SLC13A4: variants seen among roughly 807,000 people sequenced by gnomAD.
SLC13A4 encodes the protein Na(+)/sulfate cotransporter SUT-1.
SLC13A4 carries 28 observed loss-of-function variants against 72.7 expected under a neutral mutation model. That is an observed-to-expected ratio of 0.39 (90% CI 0.29 to 0.53). The LOEUF is 0.53. Ranked by LOEUF, SLC13A4 falls within the 20% of genes least tolerant of loss-of-function variation. The pLI is 0.78. For missense variants in SLC13A4, 653 were observed against 788.0 expected (o/e 0.83, Z 2.05); for synonymous variants, 312 against 325.5 (o/e 0.96, Z 0.45).
In SLC13A4 at chr7:135,727,650, TA is replaced by T. The variant is rs1796697809; in HGVS notation, c.-155del. ...CTTGGGGGCAGAACGGGAGGGCAGT[TA>T]TACCCTCGCTGTTTCTACAAGAGGC... On this transcript the variant is annotated 5_prime_UTR_variant, in exon 1 of 16. Coordinates refer to ENST00000682651, the MANE Select transcript of SLC13A4 (RefSeq NM_001318192.2). 1 of 878,924 alleles carries T rather than the reference TA, an allele frequency of 1.1e-6. No homozygotes were observed. The highest frequency in any genetic ancestry group is 1.7e-5 in the African/African-American group (1 of 58,718). 54.4% of individuals were successfully genotyped at this position (878,924 alleles called of 1,614,324 possible). A position where few individuals can be genotyped will look rare whatever the true frequency, so the allele number is the denominator to read the frequency against.
At chr7:135,694,273 A>G (rs1795854363) in intron 9 of SLC13A4, 35 bp from the exon 10 acceptor site, 1 of 1,322,482 alleles carries the variant, frequency 7.6e-7, no homozygotes, top group Non-Finnish European at 1.1e-6. Context: ...ATTAAAGAAA[A>G]CACACTTCTG....
intron 1 of SLC13A4, 57 bp downstream of exon 1, chr7:135,727,341 C>T: frequency 3.9e-6 from 6 of 1,533,134 alleles, no homozygotes; most frequent in East Asian, 2.5e-5. Flanking sequence ...TACCGACCTC[C>T]CCTCTTTGCC....
Position 135,706,214 on chromosome 7 carries a change from A to T in SLC13A4, c.452T>A (p.Val151Glu). The change falls in exon 4 of 16, where the codon GTG becomes GAG. Residue 151 changes from valine (V) to glutamate (E), a missense_variant. By Grantham distance (121) the Val-to-Glu change is moderately radical (BLOSUM62 -2). Coordinates refer to ENST00000682651, the MANE Select transcript of SLC13A4 (RefSeq NM_001318192.2). ...GACCAGCTCCTGCAGCACGGCCTCC[A>T]CGATGGGCATCACCATGGCGGTGGT... ...TSTTAMVMPI[V>E]EAVLQELVSA... 1.2e-6 allele frequency: 2 copies of T among 1,614,062 alleles called. No individual in the cohort carries two copies. Among genetic ancestry groups the T allele is most frequent in the Non-Finnish European group, 1.7e-6 (2 of 1,179,880 alleles).
intron 1 of SLC13A4, among the ~76,000 whole-genome samples, chr7:135,726,845 T>A (rs945498180): frequency 2.0e-5 from 3 of 152,172 alleles, no homozygotes; most frequent in Non-Finnish European, 2.9e-5. Context: ...CCCTAAACAT[T>A]CATTCCCTGA....
intron 8 of SLC13A4, among the ~76,000 whole-genome samples, chr7:135,699,071 G>C (rs909175567): frequency 1.3e-5 from 2 of 152,000 alleles, no homozygotes; most frequent in Admixed American, 1.3e-4. Context: ...TGAGTAGCTG[G>C]GACTGTATAC....
intron 8 of SLC13A4, among the ~76,000 whole-genome samples, chr7:135,698,536 T>C (rs565129051): frequency 4.4e-4 from 66 of 150,418 alleles, no homozygotes; most frequent in South Asian, 1.7e-3. Flanking sequence ...GGTTTCACCA[T>C]GTTGGCCAGG....
chr7:135,691,561 C>A lies in SLC13A4; in HGVS notation c.1308G>T (p.Gly436=). The change falls in exon 12 of 16, where the codon GGG becomes GGT. Residue 436 remains glycine, a synonymous_variant. Transcript: ENST00000682651. ...FLIPAKKPCF[G]KKNDGENQEH... is the part of the protein sequence containing the mutation. ...CCCTTCTCTCACCATCATTCTTTTTCCCAAAGCAGGGCTTCTTCGCTGGAA... is the reference window on the plus strand; with the variant it reads ...CCCTTCTCTCACCATCATTCTTTTTACCAAAGCAGGGCTTCTTCGCTGGAA... 6.2e-7 allele frequency: 1 copy of A among 1,613,020 alleles called. No homozygotes were observed. Among genetic ancestry groups the A allele is most frequent in the South Asian group, 1.1e-5 (1 of 91,058 alleles).
At chr7:135,708,504 G>T (rs1475817887) in intron 2 of SLC13A4, among the ~76,000 whole-genome samples, 1 of 152,130 alleles carries the variant, frequency 6.6e-6, no homozygotes, top group Non-Finnish European at 1.5e-5. Flanking sequence ...AACTCTATAG[G>T]ATAGATGTTC....
intron 2 of SLC13A4, among the ~76,000 whole-genome samples, chr7:135,715,415 G>A (rs1796408974): frequency 9.2e-6 from 1 of 108,840 alleles, no homozygotes; most frequent in Non-Finnish European, 1.9e-5. Flanking sequence ...ATGAGTGTGT[G>A]TATGAGTGTG....
At chr7:135,681,784 T>G in intron 15 of SLC13A4, 84 bp from the exon 16 acceptor site, 1 of 1,546,878 alleles carries the variant, frequency 6.5e-7, no homozygotes, top group Non-Finnish European at 8.7e-7. Flanking sequence ...TCCTGCAGCC[T>G]ATGCCTTGTG....
chr7:135,706,704 G>A (rs1313748061), intron 3 of SLC13A4, among the ~76,000 whole-genome samples: 2 of 152,170 alleles, frequency 1.3e-5, no homozygotes, highest in African/African-American at 4.8e-5. Flanking sequence ...GCAATTCTGT[G>A]AGCGCCACGG....
At chr7:135,714,076 A>G (rs1796363167) in intron 2 of SLC13A4, among the ~76,000 whole-genome samples, 1 of 152,200 alleles carries the variant, frequency 6.6e-6, no homozygotes, top group South Asian at 2.1e-4. Context: ...TCTGCCGGGT[A>G]AGCCCCTAGC....
At chr7:135,709,016 G>A (rs184080427) in intron 2 of SLC13A4, among the ~76,000 whole-genome samples, 25 of 132,698 alleles carry the variant, frequency 1.9e-4, no homozygotes, top group African/African-American at 4.9e-4. Context: ...TGCAAACTCC[G>A]CTTCCTGGGT....
intron 6 of SLC13A4, 132 bp from the exon 7 acceptor site, chr7:135,701,892 G>A (rs1015566853): frequency 2.0e-5 from 16 of 786,226 alleles, no homozygotes; most frequent in Non-Finnish European, 3.2e-5. Context: ...AGAAGCCAGG[G>A]GGAGCATATA....
chr7:135,686,271 A>ACTC (rs1795621140), intron 13 of SLC13A4, among the ~76,000 whole-genome samples: 1 of 152,200 alleles, frequency 6.6e-6, no homozygotes, highest in African/African-American at 2.4e-5. Flanking sequence ...CACTTAGTGG[A>ACTC]GAAGGTGCCT....
In SLC13A4 at chr7:135,691,260, T is replaced by C; in HGVS notation, c.1387A>G (p.Met463Val). 2.5e-6 allele frequency: 4 copies of C among 1,613,260 alleles called. No homozygotes were observed. The highest frequency in any genetic ancestry group is 2.2e-5 in the East Asian group (1 of 44,834). ...ACCAGAATGACAATCTCCCAGGGCA[T>C]GGTCTTCTGGAAGTCCTTCCACGTG... ...IITWKDFQKT[M>V]PWEIVILVGG... The change falls in exon 13 of 16, where the codon ATG becomes GTG. Residue 463 changes from methionine to valine, a missense_variant. Met to Val is a conservative substitution (Grantham distance 21, BLOSUM62 1). Coordinates refer to ENST00000682651, the MANE Select transcript of SLC13A4 (RefSeq NM_001318192.2).
At position 135,715,229 on chromosome 7, in the gene SLC13A4, GTGTA is replaced by G. The variant is rs1276833886; in HGVS notation, c.228+6162_228+6165del. ...TGTGTGCATGAGTGTGTATATGTGA[GTGTA>G]TGTGTGTATGTGTATGTGTATGAGT... On this transcript the variant is annotated intron_variant, in intron 2 of 15. Coordinates refer to ENST00000682651, the MANE Select transcript of SLC13A4 (RefSeq NM_001318192.2). Among the ~76,000 whole-genome samples the G allele has an allele frequency of 4.5e-5, 6 of 133,802 alleles. No individual in the cohort carries two copies. The East Asian group carries it at 6.6e-4, about 15-fold the overall frequency. 87.8% of individuals were successfully genotyped at this position (133,802 alleles called of 152,430 possible).
At chr7:135,716,005 A>T (rs1796425194) in intron 2 of SLC13A4, among the ~76,000 whole-genome samples, 1 of 152,184 alleles carries the variant, frequency 6.6e-6, no homozygotes, top group East Asian at 1.9e-4. Context: ...TTTGGCTCAG[A>T]CATCTAGGGA....
At chr7:135,689,770 C>T (rs750792830) in intron 13 of SLC13A4, among the ~76,000 whole-genome samples, 6 of 152,096 alleles carry the variant, frequency 3.9e-5, no homozygotes, top group Non-Finnish European at 7.4e-5. Flanking sequence ...CCAGAAGTGC[C>T]ATGGAGGGGA....
Sources: gnomAD v4.1 joint callset for allele counts (sites outside exome capture counted in the v4.1 genomes callset) on GRCh38, gnomAD v4.1.1 for gene constraint, MANE v1.5 for transcripts, NCBI Gene and HGNC (gene_info 2026-07-23, HGNC 2026-07-21) for gene names.